The following MYCBP2 variants were observed in gnomAD, a reference collection of about 807,000 sequenced individuals.
MYCBP2 encodes E3 ubiquitin-protein ligase MYCBP2.
Under a neutral mutation model 525.3 loss-of-function variants are expected in MYCBP2, and 120 were observed. The ratio of observed to expected loss-of-function variants is 0.23; its 90% confidence interval spans 0.20 to 0.27. The LOEUF is 0.27. Ranked by LOEUF, MYCBP2 falls within the 10% of genes least tolerant of loss-of-function variation. The probability of loss-of-function intolerance (pLI) is 1.00; values close to 1 mark genes in which losing one functional copy is unlikely to be tolerated. For synonymous variants in MYCBP2, 1,894 were observed against 1,955.8 expected (o/e 0.97, Z 0.83); for missense variants, 4,149 against 5,657.1 (o/e 0.73, Z 8.55).
Position 77,068,223 on chromosome 13 carries a change from G to C in MYCBP2, c.12171+342C>G, listed in dbSNP as rs79090275. On this transcript the variant is annotated intron_variant, in intron 70 of 82. Transcript: ENST00000544440. ...ATATGATATACATACTATTCAAATG[G>C]TAATAGTAGTGGTAATTACTAACCC... 1.1e-4 allele frequency among the ~76,000 whole-genome samples: 16 copies of C among 152,106 alleles called. No individual in the cohort carries two copies. In the East Asian group the frequency reaches 2.7e-3, roughly 26 times the overall value.
intron 5 of MYCBP2, 40 bp from the exon 6 acceptor site, chr13:77,270,578 A>G (rs764158603): frequency 1.3e-6 from 2 of 1,541,074 alleles, no homozygotes; most frequent in Non-Finnish European, 1.8e-6. Flanking sequence ...AAACATTTTT[A>G]AATGTTACAA....
intron 62 of MYCBP2, among the ~76,000 whole-genome samples, chr13:77,083,526 T>C (rs1202950118): frequency 6.6e-6 from 1 of 151,966 alleles, no homozygotes; most frequent in African/African-American, 2.4e-5. Context: ...TATGGATATA[T>C]ACACATACAT....
chr13:77,307,625 CAAAAAAAA>C (rs763388200), intron 1 of MYCBP2, among the ~76,000 whole-genome samples: 54 of 30,112 alleles, frequency 1.8e-3, no homozygotes, highest in African/African-American at 5.3e-3. Context: ...GACCCTGTCT[CAAAAAAAA>C]AAAAAAAAAA....
rs1028527207 is a variant in MYCBP2 at position 77,058,819 on chromosome 13, T to C, written c.13141-413A>G. Among the ~76,000 whole-genome samples, 5 of 152,054 alleles carry C rather than the reference T, an allele frequency of 3.3e-5. No individual in the cohort carries two copies. Among genetic ancestry groups the C allele is most frequent in the African/African-American group, 1.2e-4 (5 of 41,500 alleles). ...GACCAATATGGTGAAACCCCATCTC[T>C]ACTAAAAATACAAAAATTAACCAGG... is the stretch of plus-strand genomic sequence containing the variant. On this transcript the variant is annotated intron_variant, in intron 77 of 82. Transcript: ENST00000544440. This position sits in a 1 kb window ranked among gnomAD's most constrained non-coding sequence, Gnocchi z 4.1.
intron 3 of MYCBP2, among the ~76,000 whole-genome samples, chr13:77,284,440 C>CA: frequency 6.6e-6 from 1 of 152,236 alleles, no homozygotes; most frequent in African/African-American, 2.4e-5. Context: ...TCACCTCAAA[C>CA]CTTAAGAGAC....
intron 13 of MYCBP2, 81 bp from the exon 14 acceptor site, chr13:77,257,910 C>T: frequency 2.6e-6 from 3 of 1,149,074 alleles, no homozygotes; most frequent in South Asian, 3.9e-5. Flanking sequence ...AATGCAGAAC[C>T]GTTTATTTCT....
chr13:77,287,271 C>T (rs760208282), intron 3 of MYCBP2, among the ~76,000 whole-genome samples: 71 of 151,778 alleles, frequency 4.7e-4, no homozygotes, highest in African/African-American at 1.5e-3. Context: ...CTGCAACCTC[C>T]GCCTCCTGGG....
intron 39 of MYCBP2, 116 bp from the exon 40 acceptor site, chr13:77,168,762 A>G: frequency 5.5e-6 from 5 of 904,562 alleles, no homozygotes. Context: ...ATTTTCCACT[A>G]GTTAAGTTTT....
At position 77,153,535 on chromosome 13, in the gene MYCBP2, C is replaced by T. The variant is rs548211161; in HGVS notation, c.6915+2523G>A. On this transcript the variant is annotated intron_variant, in intron 46 of 82. Coordinates refer to ENST00000544440, the MANE Select transcript of MYCBP2 (RefSeq NM_015057.5). Reference sequence around the variant, plus strand: ...ACCTTTCTGTAAGCAACTATATTTACCCTAAGTATTTAATAAATTATCATT... The same window carrying T: ...ACCTTTCTGTAAGCAACTATATTTATCCTAAGTATTTAATAAATTATCATT... Among the ~76,000 whole-genome samples the T allele has an allele frequency of 2.0e-3, 302 of 152,280 alleles. 2 individuals are homozygous for T. Among genetic ancestry groups the T allele is most frequent in the Middle Eastern group, 6.8e-3 (2 of 294 alleles).
chr13:77,195,601 T>G (rs945044207), intron 26 of MYCBP2, among the ~76,000 whole-genome samples: 6 of 144,240 alleles, frequency 4.2e-5, no homozygotes, highest in Non-Finnish European at 6.3e-5. Context: ...TAAAAAAAAA[T>G]AGTCCGAAAT....
intron 57 of MYCBP2, among the ~76,000 whole-genome samples, chr13:77,095,834 C>T (rs925077475): frequency 2.8e-4 from 42 of 152,180 alleles, no homozygotes; most frequent in African/African-American, 8.9e-4. Context: ...AAATTTAACA[C>T]CTAACTAGTT....
At chr13:77,130,212 T>A (rs2052504440) in intron 52 of MYCBP2, among the ~76,000 whole-genome samples, 1 of 151,650 alleles carries the variant, frequency 6.6e-6, no homozygotes, top group Admixed American at 6.6e-5. Flanking sequence ...AAGAGGACAT[T>A]CAAAATATTA....
chr13:77,318,135 A>G (rs957036766), intron 1 of MYCBP2, among the ~76,000 whole-genome samples: 1 of 152,176 alleles, frequency 6.6e-6, no homozygotes, highest in African/African-American at 2.4e-5. Context: ...CTCAAATCCA[A>G]TCAAAATGAA....
At chr13:77,317,110 C>T (rs1415893045) in intron 1 of MYCBP2, among the ~76,000 whole-genome samples, 2 of 152,172 alleles carry the variant, frequency 1.3e-5, no homozygotes, top group South Asian at 2.1e-4. Context: ...CCAACATGCC[C>T]GGCTAATTGT....
chr13:77,178,302 T>C (rs1339301709), intron 34 of MYCBP2, among the ~76,000 whole-genome samples: 1 of 152,186 alleles, frequency 6.6e-6, no homozygotes, highest in East Asian at 1.9e-4. Context: ...ATTCTATAGA[T>C]CAACAGTTTT....
chr13:77,101,969 T>C lies in MYCBP2; in HGVS notation c.8141-2956A>G, dbSNP rs540464488. 2.6e-5 allele frequency among the ~76,000 whole-genome samples: 4 copies of C among 152,150 alleles called. No homozygotes were observed. In the East Asian group the frequency reaches 7.7e-4, roughly 29 times the overall value. ...TTTCACATTCATCTCCTAATTTATT[T>C]AATGACTGTACTTTTACATTTAAAT... On this transcript the variant is annotated intron_variant, in intron 55 of 82. Transcript: ENST00000544440.
chr13:77,150,017 C>T (rs1055902968), intron 47 of MYCBP2, among the ~76,000 whole-genome samples: 2 of 152,198 alleles, frequency 1.3e-5, no homozygotes, highest in Non-Finnish European at 2.9e-5. Flanking sequence ...CAATGGCTCA[C>T]CACTGCTCTC....
chr13:77,315,002 C>T (rs542305152), intron 1 of MYCBP2, among the ~76,000 whole-genome samples: 2 of 152,154 alleles, frequency 1.3e-5, no homozygotes, highest in South Asian at 2.1e-4. Flanking sequence ...TGAAAGAATG[C>T]TATGGATAAC....
At chr13:77,164,581 G>A (rs946374471) in intron 42 of MYCBP2, 40 bp from the exon 43 acceptor site, 5 of 1,176,216 alleles carry the variant, frequency 4.3e-6, no homozygotes, top group Non-Finnish European at 6.4e-6. Context: ...AAAAATGTTT[G>A]AATGATAATA....
Sources: allele counts gnomAD v4.1 joint callset (sites outside exome capture counted in the v4.1 genomes callset), GRCh38; gene constraint gnomAD v4.1.1; non-coding constraint Gnocchi (gnomAD v3.1); transcripts MANE v1.5; gene names NCBI Gene and HGNC (gene_info 2026-07-23, HGNC 2026-07-21).